RAB27B: variants seen among roughly 807,000 people sequenced by gnomAD.
The protein encoded by RAB27B is RAB27B, member RAS oncogene family.
In RAB27B, 15 loss-of-function variants were observed where a neutral mutation model predicts 24.6. The observed-to-expected ratio is 0.61, with a 90% CI of 0.41 to 0.94. The LOEUF (loss-of-function observed/expected upper bound fraction) is 0.94. RAB27B is among the 40% of genes least tolerant of loss of function. The pLI, the probability that RAB27B is intolerant of heterozygous loss-of-function variation, is 0.00. For missense variants in RAB27B, 261 were observed against 266.8 expected, an observed-to-expected ratio of 0.98 and a Z score of 0.15; for synonymous variants, 105 against 92.5, an observed-to-expected ratio of 1.14 and a Z score of -0.78.
chr18:54,788,659 T>G (rs1701201237), intron 2 of RAB27B, among the ~76,000 whole-genome samples: 1 of 152,216 alleles, frequency 6.6e-6, no homozygotes, highest in Non-Finnish European at 1.5e-5. Flanking sequence ...AATGCTCTAA[T>G]TTTACCTTTG....
chr18:54,874,622 T>C (rs151212593), intron 1 of RAB27B, among the ~76,000 whole-genome samples: 53 of 152,250 alleles, frequency 3.5e-4, no homozygotes, highest in Middle Eastern at 3.4e-3. Flanking sequence ...ATGTGTCTTA[T>C]TGACTCCATT....
intron 2 of RAB27B, among the ~76,000 whole-genome samples, chr18:54,813,240 T>C (rs1217157763): frequency 6.6e-6 from 1 of 152,138 alleles, no homozygotes; most frequent in Non-Finnish European, 1.5e-5. Flanking sequence ...GAAGCAGAGG[T>C]AAGAGGAACA....
chr18:54,847,835 C>T (rs769938573), intron 1 of RAB27B, among the ~76,000 whole-genome samples: 2 of 134,004 alleles, frequency 1.5e-5, no homozygotes, highest in East Asian at 2.5e-4. Flanking sequence ...ATTTGGGACT[C>T]GTTTAAAAAA....
chr18:54,773,149 T>G (rs576290277), intron 2 of RAB27B, among the ~76,000 whole-genome samples: 15 of 152,336 alleles, frequency 9.8e-5, no homozygotes, highest in African/African-American at 3.6e-4. Context: ...GAGCAGACAT[T>G]AGCTTTGAAA....
chr18:54,788,248 T>C (rs1909149221), intron 2 of RAB27B, among the ~76,000 whole-genome samples: 1 of 152,220 alleles, frequency 6.6e-6, no homozygotes, highest in African/African-American at 2.4e-5. Context: ...AATTGCTAAT[T>C]GTACATGGTA....
chr18:54,855,731 C>T (rs777482631), intron 1 of RAB27B, among the ~76,000 whole-genome samples: 3 of 152,182 alleles, frequency 2.0e-5, no homozygotes, highest in Admixed American at 2.0e-4. Context: ...AAAGTATATA[C>T]TCATTCATCA....
At chr18:54,785,729 G>A (rs748253280) in intron 2 of RAB27B, among the ~76,000 whole-genome samples, 1 of 152,104 alleles carries the variant, frequency 6.6e-6, no homozygotes, top group East Asian at 1.9e-4. Context: ...GTATTAAATA[G>A]GCATGTGTTG....
chr18:54,739,482 G>C (rs1283094502), intron 2 of RAB27B, among the ~76,000 whole-genome samples: 1 of 147,372 alleles, frequency 6.8e-6, no homozygotes, highest in East Asian at 2.0e-4. Context: ...AAGAAAGAAA[G>C]AAATACTACC....
intron 5 of RAB27B, 68 bp from the exon 6 acceptor site, chr18:54,889,156 T>C (rs1913262712): frequency 1.4e-6 from 2 of 1,429,976 alleles, no homozygotes; most frequent in South Asian, 1.5e-5. Flanking sequence ...TGTGATTCAC[T>C]TGTACATCTT....
rs1187991604 is a variant in RAB27B, at chr18:54,877,750, A to G, written c.153+12A>G. The stretch of plus-strand genomic sequence containing the variant: ...GGGAAAAACGTGTGGTGAGTTTTTA[A>G]TCGTACTTCTAACCTTGTCACTCAT... On this transcript the variant is annotated intron_variant, in intron 2 of 5. Coordinates refer to ENST00000262094, the MANE Select transcript of RAB27B (RefSeq NM_004163.4). 2.5e-6 allele frequency: 4 copies of G among 1,574,154 alleles called. No individual in the cohort carries two copies. The highest frequency in any genetic ancestry group is 2.0e-5 in the Admixed American group (1 of 50,348).
intron 2 of RAB27B, among the ~76,000 whole-genome samples, chr18:54,731,774 A>G (rs1909741072): frequency 6.6e-6 from 1 of 152,212 alleles, no homozygotes; most frequent in Non-Finnish European, 1.5e-5. Flanking sequence ...AGGTTCCAAC[A>G]CAAAGCAAGT....
chr18:54,760,864 G>A (rs2145050122), intron 2 of RAB27B, among the ~76,000 whole-genome samples: 1 of 152,224 alleles, frequency 6.6e-6, no homozygotes, highest in Non-Finnish European at 1.5e-5. Flanking sequence ...AAGCATTACA[G>A]CTAGATGAAA....
chr18:54,861,515 C>T (rs1017327661), intron 1 of RAB27B, among the ~76,000 whole-genome samples: 1 of 152,098 alleles, frequency 6.6e-6, no homozygotes, highest in Non-Finnish European at 1.5e-5. Flanking sequence ...GGAAAGGAAT[C>T]ATCTTCCTAA....
intron 2 of RAB27B, among the ~76,000 whole-genome samples, chr18:54,723,152 C>T (rs1426511111): frequency 6.6e-6 from 1 of 152,154 alleles, no homozygotes; most frequent in African/African-American, 2.4e-5. Flanking sequence ...TGTTCAGAAC[C>T]AGGAAAGAGC....
intron 2 of RAB27B, among the ~76,000 whole-genome samples, chr18:54,744,548 G>T (rs954090162): frequency 2.0e-5 from 3 of 152,076 alleles, no homozygotes; most frequent in Non-Finnish European, 4.4e-5. Flanking sequence ...AATGTTTGGG[G>T]TAATGGATAT....
intron 2 of RAB27B, among the ~76,000 whole-genome samples, chr18:54,770,168 T>C (rs566874206): frequency 6.6e-6 from 1 of 152,324 alleles, no homozygotes; most frequent in Admixed American, 6.5e-5. Context: ...TTCTATGTTC[T>C]AAGACAGGGG....
At chr18:54,758,951 A>G (rs2145046720) in intron 2 of RAB27B, among the ~76,000 whole-genome samples, 1 of 152,348 alleles carries the variant, frequency 6.6e-6, no homozygotes, top group South Asian at 2.1e-4. Flanking sequence ...TATAGCTCTG[A>G]AATTGTATAA....
rs9807376 is a variant in RAB27B, at chr18:54,801,469, T to A, written c.-19-76098T>A. ...AAAACTGGAAAATCTGTCATCACTG[T>A]ATCCCAGGTCACCAGCTTCCCCATG... On this transcript the variant is annotated intron_variant, in intron 2 of 4. Coordinates refer to the RAB27B transcript ENST00000586570. Among the ~76,000 whole-genome samples, 453 of 152,324 alleles carry A rather than the reference T, an allele frequency of 3.0e-3. 2 individuals carry two copies. Among genetic ancestry groups the A allele is most frequent in the African/African-American group, 0.01 (428 of 41,572 alleles).
At chr18:54,768,694 G>A (rs1908444293) in intron 2 of RAB27B, among the ~76,000 whole-genome samples, 1 of 152,132 alleles carries the variant, frequency 6.6e-6, no homozygotes, top group South Asian at 2.1e-4. Flanking sequence ...TTGCTGGGGA[G>A]GCCTCAGAAA....
Sources: allele counts gnomAD v4.1 joint callset (sites outside exome capture counted in the v4.1 genomes callset), GRCh38; gene constraint gnomAD v4.1.1; transcripts MANE v1.5; gene names NCBI Gene and HGNC (gene_info 2026-07-23, HGNC 2026-07-21).